VAV2: variants seen among roughly 807,000 people sequenced by gnomAD.
The protein encoded by VAV2 is vav guanine nucleotide exchange factor 2, also known as guanine nucleotide exchange factor VAV2.
In VAV2, 67 loss-of-function variants were observed where a neutral mutation model predicts 132.5. The ratio of observed to expected loss-of-function variants is 0.51; its 90% CI spans 0.42 to 0.62. The LOEUF (loss-of-function observed/expected upper bound fraction) is 0.62. Among genes scored for constraint, VAV2 ranks in the 20% least tolerant of loss-of-function variants. The probability of loss-of-function intolerance (pLI) is 0.00; values close to 1 mark genes in which losing one functional copy is unlikely to be tolerated. For synonymous variants in VAV2, 492 were observed against 443.5 expected, an observed-to-expected ratio of 1.11 and a Z score of -1.37; for missense variants, 938 against 1,153.6, an observed-to-expected ratio of 0.81 and a Z score of 2.71.
intron 2 of VAV2, among the ~76,000 whole-genome samples, chr9:133,930,608 G>A (rs1840651743): frequency 6.6e-6 from 1 of 152,264 alleles, no homozygotes; most frequent in African/African-American, 2.4e-5. Context: ...CCTGTCATCA[G>A]CAGGACCTGA....
At chr9:133,957,909 C>A (rs945190709) in intron 1 of VAV2, among the ~76,000 whole-genome samples, 2 of 150,740 alleles carry the variant, frequency 1.3e-5, no homozygotes, top group African/African-American at 4.9e-5. Context: ...TTACCCCCAA[C>A]CCCGTGCTCT....
intron 3 of VAV2, among the ~76,000 whole-genome samples, chr9:133,854,124 GCA>G (rs147388617): frequency 1.5e-4 from 13 of 88,044 alleles, no homozygotes; most frequent in East Asian, 2.6e-4. Context: ...CCTTGCACCT[GCA>G]CACACACACC....
chr9:133,948,219 C>T (rs481964), intron 1 of VAV2, among the ~76,000 whole-genome samples: 51,601 of 152,138 alleles, frequency 0.34, 9,650 homozygotes, highest in Non-Finnish European at 0.42. Flanking sequence ...AGGAGTGTCA[C>T]GAGTTGATTT....
chr9:133,813,506 G>A (rs1031963807), intron 4 of VAV2, among the ~76,000 whole-genome samples: 5 of 152,218 alleles, frequency 3.3e-5, no homozygotes, highest in African/African-American at 9.6e-5. Context: ...GTGTGCATTC[G>A]AGGAAGGCCC....
chr9:133,781,709 G>A (rs1834012699), intron 19 of VAV2, among the ~76,000 whole-genome samples: 1 of 152,238 alleles, frequency 6.6e-6, no homozygotes, highest in East Asian at 1.9e-4. Flanking sequence ...TGGATCAGAG[G>A]GAAGGCAGCT....
chr9:133,859,421 G>A (rs1837510307), intron 3 of VAV2, among the ~76,000 whole-genome samples: 1 of 152,196 alleles, frequency 6.6e-6, no homozygotes, highest in African/African-American at 2.4e-5. Flanking sequence ...GCAGGACCAC[G>A]CCAATGCCAA....
In VAV2 at chr9:133,769,373, C is replaced by G. The variant is rs1411984852; in HGVS notation, c.2434+44G>C. 33 of 1,568,528 alleles carry G rather than the reference C, an allele frequency of 2.1e-5. No individual in the cohort carries two copies. The highest frequency in any genetic ancestry group is 2.8e-5 in the Non-Finnish European group (32 of 1,156,172). On this transcript the variant is annotated intron_variant, in intron 28 of 29. Transcript: ENST00000371850. This position sits in a 1 kb window ranked among gnomAD's most constrained non-coding sequence, Gnocchi z 8.1. ...CTCCGTGCTGGGTCTCCCAAGGCAG[C>G]TGCCACAGGCCCGGTCCCCCCACGC...
chr9:133,950,926 C>G (rs943246251), intron 1 of VAV2, among the ~76,000 whole-genome samples: 1 of 152,178 alleles, frequency 6.6e-6, no homozygotes. Flanking sequence ...CAACTCCAGA[C>G]GGACCCAAGC....
At chr9:133,796,337 G>T in intron 11 of VAV2, 92 bp downstream of exon 11, 1 of 1,086,398 alleles carries the variant, frequency 9.2e-7, no homozygotes, top group Non-Finnish European at 1.3e-6. Flanking sequence ...TAATCTGTCT[G>T]TGGGCTGCAA....
chr9:133,784,548 C>G (rs550439399), intron 17 of VAV2, 130 bp from the exon 18 acceptor site: 14 of 941,810 alleles, frequency 1.5e-5, no homozygotes, highest in Middle Eastern at 2.4e-4. Flanking sequence ...GGACTCCAAG[C>G]CTGGCTCTGC....
chr9:133,872,785 C>T (rs568115008), intron 2 of VAV2, among the ~76,000 whole-genome samples: 31 of 152,182 alleles, frequency 2.0e-4, no homozygotes, highest in African/African-American at 7.0e-4. Context: ...TTGACTAAGA[C>T]AGAGTCTACC....
At chr9:133,944,695 A>T (rs974197176) in intron 1 of VAV2, among the ~76,000 whole-genome samples, 15 of 152,216 alleles carry the variant, frequency 9.9e-5, no homozygotes, top group African/African-American at 3.6e-4. Context: ...GCCCCCGCCT[A>T]AGGGGATGCA....
chr9:133,984,907 CAAA>C (rs35866348), intron 1 of VAV2, among the ~76,000 whole-genome samples: 3 of 128,792 alleles, frequency 2.3e-5, no homozygotes, highest in Admixed American at 7.7e-5. Flanking sequence ...GGCCCTATCT[CAAA>C]AAAAAAAAAA....
At chr9:133,847,489 G>C (rs143390914) in intron 3 of VAV2, among the ~76,000 whole-genome samples, 1 of 152,172 alleles carries the variant, frequency 6.6e-6, no homozygotes, top group Non-Finnish European at 1.5e-5. Flanking sequence ...AGCAGATGAC[G>C]CATGAGGCTG....
rs371915542 is a variant in VAV2, at chr9:133,884,059, C to T, written c.322-22627G>A. 4.0e-5 allele frequency among the ~76,000 whole-genome samples: 6 copies of T among 151,768 alleles called. No individual in the cohort carries two copies. The highest frequency in any genetic ancestry group is 8.8e-5 in the Non-Finnish European group (6 of 67,976). On this transcript the variant is annotated intron_variant, in intron 2 of 29. Coordinates refer to ENST00000371850, the MANE Select transcript of VAV2 (RefSeq NM_001134398.2). The surrounding 1 kb of genome is among the most constrained non-coding windows in gnomAD (Gnocchi z 5.3). ...CTGAGGCAGGGGAATCACTTGAACC[C>T]GGGAGGCGGAGGTTGCAGCGAGGCG...
At position 133,824,367 on chromosome 9, in the gene VAV2, G is replaced by A. The variant is rs1339970949; in HGVS notation, c.449+9905C>T. ...TCAGTTCCCGAGAACAGACACAGCA[G>A]AGACCAGGACCCTCCTAAAACCCCA... On this transcript the variant is annotated intron_variant, in intron 4 of 29. Coordinates refer to ENST00000371850, the MANE Select transcript of VAV2 (RefSeq NM_001134398.2). The surrounding 1 kb of genome is among the most constrained non-coding windows in gnomAD (Gnocchi z 5.2). Among the ~76,000 whole-genome samples the A allele has an allele frequency of 6.6e-6, 1 of 151,988 alleles. No homozygotes were observed. Among genetic ancestry groups the A allele is most frequent in the African/African-American group, 2.4e-5 (1 of 41,360 alleles).
At chr9:133,782,868 C>T (rs779713153) in intron 19 of VAV2, among the ~76,000 whole-genome samples, 1 of 152,146 alleles carries the variant, frequency 6.6e-6, no homozygotes, top group Non-Finnish European at 1.5e-5. Context: ...GTCCAGCTGC[C>T]CTGAGCAGGG....
At chr9:133,795,482 C>A (rs1396587719) in intron 12 of VAV2, among the ~76,000 whole-genome samples, 186 bp downstream of exon 12, 1 of 152,146 alleles carries the variant, frequency 6.6e-6, no homozygotes, top group Non-Finnish European at 1.5e-5. Context: ...CTGCAGTGCC[C>A]TCCACCCGTC....
At chr9:133,780,112 A>G (rs909286476) in intron 20 of VAV2, 173 bp from the exon 21 acceptor site, 3 of 810,976 alleles carry the variant, frequency 3.7e-6, no homozygotes, top group Non-Finnish European at 5.9e-6. Flanking sequence ...CACCCTGGCA[A>G]TATATTTCAC....
Sources: gnomAD v4.1 joint callset for allele counts (sites outside exome capture counted in the v4.1 genomes callset) on GRCh38, gnomAD v4.1.1 for gene constraint, Gnocchi (gnomAD v3.1) non-coding constraint, MANE v1.5 for transcripts, NCBI Gene and HGNC (gene_info 2026-07-23, HGNC 2026-07-21) for gene names.